TRAF7: variants seen among roughly 807,000 people sequenced by gnomAD.
TRAF7 encodes the protein E3 ubiquitin-protein ligase TRAF7.
TRAF7 carries 45 observed loss-of-function variants against 89.3 expected under a neutral mutation model. The observed-to-expected ratio is 0.50, with a 90% confidence interval of 0.40 to 0.65. The LOEUF (loss-of-function observed/expected upper bound fraction) is 0.65. Among genes scored for constraint, TRAF7 ranks in the 30% least tolerant of loss-of-function variants. The pLI is 0.00. For synonymous variants in TRAF7, 406 were observed against 369.2 expected (o/e 1.10, Z -1.14); for missense variants, 677 against 918.1 (o/e 0.74, Z 3.39).
chr16:2,170,515 G>C, intron 4 of TRAF7, 99 bp from the exon 5 acceptor site: 1 of 845,802 alleles, frequency 1.2e-6, no homozygotes, highest in African/African-American at 1.7e-5. Context: ...GGCCCCAGGG[G>C]TGCTGCTGCC....
chr16:2,164,394 G>C (rs1229330420), intron 2 of TRAF7, among the ~76,000 whole-genome samples: 3 of 148,038 alleles, frequency 2.0e-5, no homozygotes, highest in Non-Finnish European at 3.0e-5. Context: ...GGTGCGGCCT[G>C]GTCGCATGGT....
rs1218659996 is a variant in TRAF7, at chr16:2,177,414, A to G, written c.*840A>G. Reference sequence around the variant, plus strand: ...CACACCACAATCGCTGGTTTTCGGCATTTTTTAAATTTTTTTTTTAAGAAA... The same window carrying G: ...CACACCACAATCGCTGGTTTTCGGCGTTTTTTAAATTTTTTTTTTAAGAAA... On this transcript the variant is annotated 3_prime_UTR_variant, in exon 21 of 21. Coordinates refer to ENST00000326181, the MANE Select transcript of TRAF7 (RefSeq NM_032271.3). The G allele has an allele frequency of 4.3e-6, 1 of 232,678 alleles. No individual in the cohort carries two copies. Among genetic ancestry groups the G allele is most frequent in the African/African-American group, 2.2e-5 (1 of 45,202 alleles). The allele number at this position is 232,678 out of a possible 1,614,324, so 14.4% of individuals were successfully genotyped here.
chr16:2,168,324 A>G lies in TRAF7; in HGVS notation c.231+156A>G, dbSNP rs2093095087. The stretch of plus-strand genomic sequence containing the variant: ...CCCTGAGGCCTCGGCAGACATGGCA[A>G]GTCTGTGAGAAAGGAGGCTCCTGTG... On this transcript the variant is annotated intron_variant, in intron 4 of 20. Transcript: ENST00000326181. The surrounding 1 kb of genome is among the most constrained non-coding windows in gnomAD (Gnocchi z 4.1). 6.6e-6 allele frequency: 4 copies of G among 605,504 alleles called. No homozygotes were observed. Among genetic ancestry groups the G allele is most frequent in the Non-Finnish European group, 1.1e-5 (4 of 355,128 alleles). 37.5% of individuals were successfully genotyped at this position (605,504 alleles called of 1,614,324 possible). A position where few individuals can be genotyped will look rare whatever the true frequency, so the allele number is the denominator to read the frequency against.
chr16:2,173,996 T>G lies in TRAF7; in HGVS notation c.1211T>G (p.Val404Gly). Residue 404 changes from valine (V) to glycine (G), a missense_variant, in exon 13 of 21, where the codon GTC becomes GGC. Val to Gly is a moderately radical substitution (Grantham distance 109). Around this residue, in one of 6 missense-constraint regions of TRAF7, gnomAD observed 15 missense variants for 61.5 expected, o/e 0.24. Coordinates refer to ENST00000326181, the MANE Select transcript of TRAF7 (RefSeq NM_032271.3). ...CAGGGCCCTGTGTGGTGTCTCTGCG[T>G]CTACTCCATGGGTGACCTGCTCTTC... ...GHQGPVWCLC[V>G]YSMGDLLFSG... The G allele has an allele frequency of 1.2e-6, 2 of 1,613,780 alleles. No individual in the cohort carries two copies. Among genetic ancestry groups the G allele is most frequent in the Non-Finnish European group, 1.7e-6 (2 of 1,180,008 alleles).
In TRAF7 at chr16:2,161,176, TCCCTCCCTCCTTCCGTCC is replaced by T. The variant is rs2093056884; in HGVS notation, c.-38-2696_-38-2679del. On this transcript the variant is annotated intron_variant, in intron 1 of 20. Coordinates refer to ENST00000326181, the MANE Select transcript of TRAF7 (RefSeq NM_032271.3). This position sits in a 1 kb window ranked among gnomAD's most constrained non-coding sequence, Gnocchi z 5.2. Reference sequence around the variant, plus strand: ...CTCCTGTGCAGAGTATCCCCCTCCTTCCCTCCCTCCTTCCGTCCCCCTCCCTCCCTCCGTCCCCCTGCT... The same window carrying T: ...CTCCTGTGCAGAGTATCCCCCTCCTTCCCTCCCTCCCTCCGTCCCCCTGCT... Among the ~76,000 whole-genome samples the T allele has an allele frequency of 7.1e-6, 1 of 139,996 alleles. No individual in the cohort carries two copies. Among genetic ancestry groups the T allele is most frequent in the Non-Finnish European group, 1.6e-5 (1 of 64,208 alleles). 91.8% of individuals were successfully genotyped at this position (139,996 alleles called of 152,430 possible). A position where few individuals can be genotyped will look rare whatever the true frequency, so the allele number is the denominator to read the frequency against.
intron 14 of TRAF7, 65 bp from the exon 15 acceptor site, chr16:2,175,046 T>C: frequency 1.2e-6 from 2 of 1,608,320 alleles, no homozygotes; most frequent in Non-Finnish European, 1.7e-6. Flanking sequence ...CCTCGGGCCC[T>C]GCCAGGGCGG....
rs796867728 is a variant in TRAF7, at chr16:2,177,283, G to T, written c.*709G>T. 1.2e-4 allele frequency: 29 copies of T among 236,922 alleles called. 1 individual carries two copies. The highest frequency in any genetic ancestry group is 6.4e-4 in the African/African-American group (29 of 45,422). The allele number at this position is 236,922 out of a possible 1,614,324, so 14.7% of individuals were successfully genotyped here. On this transcript the variant is annotated 3_prime_UTR_variant, in exon 21 of 21. Transcript: ENST00000326181. The stretch of plus-strand genomic sequence containing the variant: ...TGTGCCGCCCTCTGAGGAGAGGCCT[G>T]GGGGGACAGCTGGGCACGTCCACTC...
At chr16:2,173,859 T>TGGGGCCC in intron 12 of TRAF7, 23 bp downstream of exon 12, 6 of 1,246,192 alleles carry the variant, frequency 4.8e-6, no homozygotes, top group Non-Finnish European at 5.5e-6. Context: ...CCGCCGTGGC[T>TGGGGCCC]CCCGCCCACC....
rs1055058469 is a variant in TRAF7, at chr16:2,158,732, G to C, written c.-39+2874G>C. Among the ~76,000 whole-genome samples the C allele has an allele frequency of 1.4e-5, 2 of 142,754 alleles. No homozygotes were observed. Among genetic ancestry groups the C allele is most frequent in the African/African-American group, 5.0e-5 (2 of 39,658 alleles). The allele number at this position is 142,754 out of a possible 152,430, so 93.7% of individuals were successfully genotyped here. On this transcript the variant is annotated intron_variant, in intron 1 of 20. Coordinates refer to ENST00000326181, the MANE Select transcript of TRAF7 (RefSeq NM_032271.3). This position sits in a 1 kb window ranked among gnomAD's most constrained non-coding sequence, Gnocchi z 4.7. ...AGACCGAGCCACACAGGAAGCAAAT[G>C]AGAACACAGCGTGGGACTGGGAAGC...
chr16:2,170,583 C>T (rs1340528555), intron 4 of TRAF7, 31 bp from the exon 5 acceptor site: 7 of 1,559,250 alleles, frequency 4.5e-6, no homozygotes, highest in Non-Finnish European at 6.2e-6. Context: ...CCGTGCGGAG[C>T]CCCCCGACAG....
intron 11 of TRAF7, 33 bp from the exon 12 acceptor site, chr16:2,173,755 C>T (rs770926497): frequency 1.2e-6 from 2 of 1,609,574 alleles, no homozygotes; most frequent in Admixed American, 1.7e-5. Context: ...CAGCCCTGCC[C>T]ACCTGCCCTC....
chr16:2,176,805 G>A lies in TRAF7; in HGVS notation c.*231G>A. 1.6e-6 allele frequency: 1 copy of A among 640,014 alleles called. No individual in the cohort carries two copies. The highest frequency in any genetic ancestry group is 2.8e-6 in the Non-Finnish European group (1 of 363,408). 39.6% of individuals were successfully genotyped at this position (640,014 alleles called of 1,614,324 possible). ...GGTGCCAGGTACGACGCTTGCCCCG[G>A]CCCACCCTCCATCCCCACCCTCCAT... On this transcript the variant is annotated 3_prime_UTR_variant, in exon 21 of 21. Transcript: ENST00000326181.
rs1377427654 is a variant in TRAF7, at chr16:2,177,562, T to C, written c.*988T>C. 4 of 236,030 alleles carry C rather than the reference T, an allele frequency of 1.7e-5. No homozygotes were observed. Among genetic ancestry groups the C allele is most frequent in the Non-Finnish European group, 3.3e-5 (4 of 119,908 alleles). The allele number at this position is 236,030 out of a possible 1,614,324, so 14.6% of individuals were successfully genotyped here. On this transcript the variant is annotated 3_prime_UTR_variant, in exon 21 of 21. Transcript: ENST00000326181. ...GCGAGAATGACCACACAACACAGCC[T>C]TGGACCATGAGCAGAAGCGTCCGTG...
At chr16:2,166,502 G>A (rs1229478606) in intron 3 of TRAF7, among the ~76,000 whole-genome samples, 2 of 152,084 alleles carry the variant, frequency 1.3e-5, no homozygotes, top group African/African-American at 4.8e-5. Flanking sequence ...TGTGCCTCCT[G>A]GGATCAGTCC....
Position 2,171,040 on chromosome 16 carries a change from G to A in TRAF7, c.349-224G>A, listed in dbSNP as rs570175387. Among the ~76,000 whole-genome samples, 18 of 152,338 alleles carry A rather than the reference G, an allele frequency of 1.2e-4. No individual in the cohort carries two copies. In the South Asian group the frequency reaches 2.5e-3, roughly 21 times the overall value. On this transcript the variant is annotated intron_variant, in intron 5 of 20. Coordinates refer to ENST00000326181, the MANE Select transcript of TRAF7 (RefSeq NM_032271.3). ...CGGGCGAGGGCGGCCAAGGCTGGGC[G>A]GCTGAACTCATCCTCCGGGGTTGGG...
intron 1 of TRAF7, among the ~76,000 whole-genome samples, chr16:2,160,373 A>C (rs1479149836): frequency 2.0e-5 from 3 of 151,766 alleles, no homozygotes; most frequent in African/African-American, 7.3e-5. Context: ...TTTCTCTTTC[A>C]AAGATCGAAT....
chr16:2,159,329 G>A lies in TRAF7; in HGVS notation c.-39+3471G>A, dbSNP rs1227188031. Among the ~76,000 whole-genome samples the A allele has an allele frequency of 6.6e-6, 1 of 152,182 alleles. No homozygotes were observed. The highest frequency in any genetic ancestry group is 1.9e-4 in the East Asian group (1 of 5,200). On this transcript the variant is annotated intron_variant, in intron 1 of 20. Transcript: ENST00000326181. The surrounding 1 kb of genome is among the most constrained non-coding windows in gnomAD (Gnocchi z 6.5). ...GCTAGGAGGGAAGCGGGGCCAAGCC[G>A]GCCTCAGACCAGGGCCTGCTGGGGT...
chr16:2,173,859 T>TTGGGCCCCCCCC, intron 12 of TRAF7, 23 bp downstream of exon 12: 7 of 1,246,220 alleles, frequency 5.6e-6, no homozygotes, highest in Non-Finnish European at 7.7e-6. Flanking sequence ...CCGCCGTGGC[T>TTGGGCCCCCCCC]CCCGCCCACC....
chr16:2,158,775 G>GC lies in TRAF7; in HGVS notation c.-39+2917_-39+2918insC, dbSNP rs948704360. 2.0e-5 allele frequency among the ~76,000 whole-genome samples: 3 copies of GC among 151,324 alleles called. 1 individual carries two copies. The highest frequency in any genetic ancestry group is 4.4e-5 in the Non-Finnish European group (3 of 67,660). On this transcript the variant is annotated intron_variant, in intron 1 of 20. Transcript: ENST00000326181. The surrounding 1 kb of genome is among the most constrained non-coding windows in gnomAD (Gnocchi z 4.7). ...TGGGAAGCGTGGGCTCGGCGGGGGG[G>GC]GGGGGGACACTGCCACCCTTGGCTC...
Sources: gnomAD v4.1 joint callset for allele counts (sites outside exome capture counted in the v4.1 genomes callset) on GRCh38, gnomAD v4.1.1 for gene constraint, gnomAD v4.1.1 regional missense constraint, Gnocchi (gnomAD v3.1) non-coding constraint, MANE v1.5 for transcripts, NCBI Gene and HGNC (gene_info 2026-07-23, HGNC 2026-07-21) for gene names.